FNIP2: variants seen among roughly 807,000 people sequenced by gnomAD.
FNIP2 encodes the protein folliculin-interacting protein 2.
Under a neutral mutation model 108.7 loss-of-function variants are expected in FNIP2, and 32 were observed. That is an observed-to-expected ratio of 0.29 (90% CI 0.22 to 0.40). The LOEUF is 0.40. FNIP2 is among the 10% of genes least tolerant of loss of function. The pLI, the probability that FNIP2 is intolerant of heterozygous loss-of-function variation, is 1.00. For synonymous variants in FNIP2, 480 were observed against 496.7 expected (o/e 0.97, Z 0.45); for missense variants, 1,202 against 1,381.6 (o/e 0.87, Z 2.06).
In FNIP2 at chr4:158,870,012, G is replaced by A. The variant is rs1780845058; in HGVS notation, c.2793-301G>A. Among the ~76,000 whole-genome samples the A allele has an allele frequency of 3.3e-5, 5 of 152,358 alleles. No homozygotes were observed. In the South Asian group the frequency reaches 1.0e-3, roughly 32 times the overall value. On this transcript the variant is annotated intron_variant, in intron 13 of 16. Transcript: ENST00000264433. ...ATTCCTAAAGCCAGGCTTTTGGCAAGAGCCCTTCCTGAAACATTTTCTTTG... is the reference window on the plus strand; with the variant it reads ...ATTCCTAAAGCCAGGCTTTTGGCAAAAGCCCTTCCTGAAACATTTTCTTTG...
At chr4:158,862,123 T>TAA (rs1026407405) in intron 12 of FNIP2, among the ~76,000 whole-genome samples, 11 of 152,134 alleles carry the variant, frequency 7.2e-5, no homozygotes, top group Admixed American at 5.9e-4. Context: ...AGAGCTCTCT[T>TAA]ACGCATTAAT....
At chr4:158,784,012 A>G (rs1370705325) in intron 1 of FNIP2, among the ~76,000 whole-genome samples, 1 of 152,258 alleles carries the variant, frequency 6.6e-6, no homozygotes, top group Admixed American at 6.5e-5. Flanking sequence ...AAATCATGAT[A>G]TATAAAGTAA....
chr4:158,905,405 C>T lies in FNIP2; in HGVS notation c.*861C>T, dbSNP rs1202154044. The T allele has an allele frequency of 3.3e-5, 5 of 152,096 alleles. No homozygotes were observed. The highest frequency in any genetic ancestry group is 4.8e-5 in the African/African-American group (2 of 41,398). 9.4% of individuals were successfully genotyped at this position (152,096 alleles called of 1,614,324 possible). A position where few individuals can be genotyped will look rare whatever the true frequency, so the allele number is the denominator to read the frequency against. ...TATTTCTATAAGCTCAAGAGTGTTT[C>T]GGTTGGTAAGTTCTTCCAGCTGAAG... On this transcript the variant is annotated 3_prime_UTR_variant, in exon 17 of 17. Coordinates refer to ENST00000264433, the MANE Select transcript of FNIP2 (RefSeq NM_020840.3).
At chr4:158,880,845 G>A (rs1406694940) in intron 14 of FNIP2, among the ~76,000 whole-genome samples, 1 of 152,184 alleles carries the variant, frequency 6.6e-6, no homozygotes, top group African/African-American at 2.4e-5. Flanking sequence ...AGGCTATGGA[G>A]GATGCAGTTA....
chr4:158,881,371 T>C (rs1254798385), intron 14 of FNIP2, among the ~76,000 whole-genome samples: 1 of 143,050 alleles, frequency 7.0e-6, no homozygotes, highest in African/African-American at 2.7e-5. Flanking sequence ...TCCCTCTCTT[T>C]CCACGGTCTC....
chr4:158,835,273 ATC>A (rs1778735907), intron 6 of FNIP2, 130 bp from the exon 7 acceptor site: 2 of 545,484 alleles, frequency 3.7e-6, no homozygotes, highest in South Asian at 5.0e-5. Context: ...CTTCTAGTTA[ATC>A]TCTATTAAAA....
At chr4:158,879,415 C>T (rs1249799510) in intron 14 of FNIP2, among the ~76,000 whole-genome samples, 1 of 150,398 alleles carries the variant, frequency 6.6e-6, no homozygotes, top group African/African-American at 2.5e-5. Context: ...CAGCTAGGGT[C>T]AGTAGCAGAG....
At chr4:158,829,014 G>A (rs1778311802) in intron 2 of FNIP2, 65 bp from the exon 3 acceptor site, 1 of 1,312,528 alleles carries the variant, frequency 7.6e-7, no homozygotes, top group Admixed American at 3.0e-5. Flanking sequence ...AATTCCCAAT[G>A]AAGAACTGTT....
chr4:158,802,302 C>T (rs1776790009), intron 1 of FNIP2, among the ~76,000 whole-genome samples: 1 of 152,140 alleles, frequency 6.6e-6, no homozygotes, highest in South Asian at 2.1e-4. Flanking sequence ...TTAAACCTCC[C>T]CCACTCCCTC....
At chr4:158,807,081 G>T (rs1477236818) in intron 1 of FNIP2, among the ~76,000 whole-genome samples, 6 of 152,080 alleles carry the variant, frequency 3.9e-5, no homozygotes, top group African/African-American at 1.2e-4. Context: ...TATTTGTAAA[G>T]AATTTTATTG....
At chr4:158,873,275 T>C (rs1345120121) in intron 14 of FNIP2, among the ~76,000 whole-genome samples, 1 of 152,350 alleles carries the variant, frequency 6.6e-6, no homozygotes, top group South Asian at 2.1e-4. Flanking sequence ...AAGCAATTGA[T>C]TCCAGTTATT....
chr4:158,886,721 G>A (rs1782044236), intron 14 of FNIP2, among the ~76,000 whole-genome samples: 1 of 152,192 alleles, frequency 6.6e-6, no homozygotes, highest in African/African-American at 2.4e-5. Flanking sequence ...CATAAGGTTT[G>A]TAAAGTTTCT....
chr4:158,899,154 T>C (rs1365625317), intron 16 of FNIP2, among the ~76,000 whole-genome samples: 1 of 152,188 alleles, frequency 6.6e-6, no homozygotes, highest in Admixed American at 6.5e-5. Flanking sequence ...TTACCTTTAT[T>C]GATTTGTGTA....
intron 1 of FNIP2, among the ~76,000 whole-genome samples, chr4:158,801,458 C>T (rs1006952888): frequency 4.6e-5 from 7 of 152,172 alleles, no homozygotes; most frequent in African/African-American, 1.7e-4. Context: ...CCAGATCTGT[C>T]CCAGTGGTCA....
At chr4:158,858,258 T>C (rs1272107576) in intron 8 of FNIP2, among the ~76,000 whole-genome samples, 1 of 152,202 alleles carries the variant, frequency 6.6e-6, no homozygotes, top group Non-Finnish European at 1.5e-5. Context: ...TCATTTGCAA[T>C]GTTAGGTCCT....
At chr4:158,844,389 C>T (rs1779289841) in intron 7 of FNIP2, among the ~76,000 whole-genome samples, 1 of 152,112 alleles carries the variant, frequency 6.6e-6, no homozygotes, top group African/African-American at 2.4e-5. Flanking sequence ...GGATGTCCTC[C>T]CTTTGAGCCT....
intron 1 of FNIP2, among the ~76,000 whole-genome samples, chr4:158,821,984 G>A (rs548348803): frequency 6.6e-6 from 1 of 151,918 alleles, no homozygotes; most frequent in Non-Finnish European, 1.5e-5. Flanking sequence ...CAGCTACTTG[G>A]GGGGCTGAGA....
In FNIP2 at chr4:158,861,819, A is replaced by T. The variant is rs564534307; in HGVS notation, c.1465+43A>T. On this transcript the variant is annotated intron_variant, in intron 12 of 16. Transcript: ENST00000264433. ...CTATTCAGAGAATATATGGGATGGA[A>T]TAGGAAAAAAATGCTAGAATTTGTA... 9 of 1,601,904 alleles carry T rather than the reference A, an allele frequency of 5.6e-6. No homozygotes were observed. The African/African-American group carries it at 1.2e-4, about 21-fold the overall frequency.
chr4:158,769,372 G>A, intron 1 of FNIP2, 53 bp downstream of exon 1: 1 of 1,283,602 alleles, frequency 7.8e-7, no homozygotes, highest in East Asian at 3.3e-5. Context: ...TGGCTTCGGT[G>A]CTCGCCGGGG....
Sources: allele counts gnomAD v4.1 joint callset (sites outside exome capture counted in the v4.1 genomes callset), GRCh38; gene constraint gnomAD v4.1.1; transcripts MANE v1.5; gene names NCBI Gene and HGNC (gene_info 2026-07-23, HGNC 2026-07-21).